TAOK3: variants seen among roughly 807,000 people sequenced by gnomAD.
TAOK3 encodes serine/threonine-protein kinase TAO3.
In TAOK3, 40 loss-of-function variants were observed where a neutral mutation model predicts 120.4. The ratio of observed to expected loss-of-function variants is 0.33; its 90% CI spans 0.26 to 0.43. The LOEUF (loss-of-function observed/expected upper bound fraction) is 0.43, where lower values mean the gene tolerates loss of function less well. Ranked by LOEUF, TAOK3 falls within the 20% of genes least tolerant of loss-of-function variation. The pLI, the probability that TAOK3 is intolerant of heterozygous loss-of-function variation, is 1.00. For missense variants in TAOK3, 821 were observed against 1,112.1 expected, an observed-to-expected ratio of 0.74 and a Z score of 3.72; for synonymous variants, 355 against 387.5, an observed-to-expected ratio of 0.92 and a Z score of 0.99.
At chr12:118,189,529 G>GAC (rs1262640332) in intron 14 of TAOK3, among the ~76,000 whole-genome samples, 190 of 83,314 alleles carry the variant, frequency 2.3e-3, no homozygotes, top group Admixed American at 3.2e-3. Flanking sequence ...AACACACACA[G>GAC]ACACAGACAC....
At chr12:118,328,283 ACTC>A in intron 1 of TAOK3, among the ~76,000 whole-genome samples, 1 of 151,926 alleles carries the variant, frequency 6.6e-6, no homozygotes, top group East Asian at 1.9e-4. Context: ...CTGGTCTCGA[ACTC>A]CTGACCTCTA....
intron 1 of TAOK3, among the ~76,000 whole-genome samples, chr12:118,274,058 T>C (rs2041820993): frequency 1.3e-5 from 2 of 152,098 alleles, no homozygotes; most frequent in Non-Finnish European, 2.9e-5. Context: ...AGTCGAGTAT[T>C]TGGTTTCTTC....
At chr12:118,283,404 TG>T (rs2042161476) in intron 1 of TAOK3, among the ~76,000 whole-genome samples, 1 of 152,270 alleles carries the variant, frequency 6.6e-6, no homozygotes, top group Non-Finnish European at 1.5e-5. Context: ...AATGCTTTAA[TG>T]GAAGAGACAG....
intron 1 of TAOK3, among the ~76,000 whole-genome samples, chr12:118,268,317 A>T (rs1186086292): frequency 6.6e-6 from 1 of 152,206 alleles, no homozygotes; most frequent in Non-Finnish European, 1.5e-5. Flanking sequence ...CAAAGAATAT[A>T]ACAATTTAAA....
chr12:118,208,042 T>C (rs2038427606), intron 11 of TAOK3, among the ~76,000 whole-genome samples: 1 of 152,218 alleles, frequency 6.6e-6, no homozygotes, highest in Non-Finnish European at 1.5e-5. Flanking sequence ...TTGTCCTATA[T>C]ATTTTAAGAA....
chr12:118,336,405 A>G (rs1175236744), intron 1 of TAOK3, among the ~76,000 whole-genome samples: 1 of 152,212 alleles, frequency 6.6e-6, no homozygotes, highest in East Asian at 1.9e-4. Context: ...CATAGGCAAA[A>G]AAATAAACCA....
At chr12:118,177,153 C>A in intron 16 of TAOK3, 48 bp downstream of exon 16, 1 of 1,591,648 alleles carries the variant, frequency 6.3e-7, no homozygotes, top group Admixed American at 1.7e-5. Context: ...TGTTAAGTTC[C>A]AACCATTCTA....
intron 1 of TAOK3, among the ~76,000 whole-genome samples, chr12:118,323,987 C>A (rs2043826280): frequency 6.6e-6 from 1 of 152,110 alleles, no homozygotes; most frequent in South Asian, 2.1e-4. Flanking sequence ...GAAGGAAGTA[C>A]ATTTAATCAT....
rs1355092742 is a variant in TAOK3, at chr12:118,189,806, C to G, written c.1329+1G>C. The G allele has an allele frequency of 6.2e-7, 1 of 1,614,118 alleles. No individual in the cohort carries two copies. Among genetic ancestry groups the G allele is most frequent in the Non-Finnish European group, 8.5e-7 (1 of 1,180,014 alleles). ...AGGTGGGTAGAGGGGTGTTTGCTTA[C>G]CAAAGATGCTGATTTGATCGTGGCA... On this transcript the variant is annotated splice_donor_variant, in intron 14 of 20. Transcript: ENST00000392533. LOFTEE classifies it high-confidence loss of function.
At chr12:118,243,383 T>C in intron 5 of TAOK3, 32 bp downstream of exon 5, 1 of 1,141,540 alleles carries the variant, frequency 8.8e-7, no homozygotes. Flanking sequence ...AAAAATGTAA[T>C]AGTAAAAGAT....
intron 1 of TAOK3, among the ~76,000 whole-genome samples, chr12:118,335,420 A>G (rs1226920962): frequency 3.3e-5 from 5 of 152,310 alleles, no homozygotes; most frequent in Middle Eastern, 3.4e-3. Context: ...CCACAAACTG[A>G]TATCTTGAGT....
At chr12:118,314,981 C>T (rs1593510281) in intron 1 of TAOK3, among the ~76,000 whole-genome samples, 1 of 151,204 alleles carries the variant, frequency 6.6e-6, no homozygotes, top group South Asian at 2.1e-4. Flanking sequence ...GGAGTGAGTG[C>T]GTGCAGTGGC....
rs1368214196 is a variant in TAOK3 at position 118,323,791 on chromosome 12, T to C, written c.-194+48857A>G. ...TAGGTTTATGTAGGTGATGTAGCAT[T>C]TCACTGTGGTCTGGAGCAGGAGAAC... On this transcript the variant is annotated intron_variant, in intron 1 of 20. Transcript: ENST00000392533. 4.6e-5 allele frequency among the ~76,000 whole-genome samples: 7 copies of C among 152,318 alleles called. No homozygotes were observed. The South Asian group carries it at 1.4e-3, about 32-fold the overall frequency.
chr12:118,355,160 C>T (rs1029754178), intron 1 of TAOK3, among the ~76,000 whole-genome samples: 4 of 152,138 alleles, frequency 2.6e-5, no homozygotes, highest in Non-Finnish European at 5.9e-5. Flanking sequence ...GTAATTAAAA[C>T]CACAGAAAGC....
chr12:118,276,574 C>T (rs531133013), intron 1 of TAOK3, among the ~76,000 whole-genome samples: 19 of 152,076 alleles, frequency 1.2e-4, no homozygotes, highest in African/African-American at 4.3e-4. Context: ...TGGTGGTGGG[C>T]GCCTGTAGTC....
At chr12:118,236,052 AT>A (rs1403125794) in intron 7 of TAOK3, 1 of 160,050 alleles carries the variant, frequency 6.2e-6, no homozygotes, top group Non-Finnish European at 1.4e-5. Flanking sequence ...ATTGGTGCCA[AT>A]TTTAACTGCT....
At chr12:118,202,674 TA>T (rs1205943052) in intron 11 of TAOK3, among the ~76,000 whole-genome samples, 3 of 151,074 alleles carry the variant, frequency 2.0e-5, no homozygotes, top group Non-Finnish European at 2.9e-5. Flanking sequence ...ATATAAGTAA[TA>T]AAAAAATCAC....
At chr12:118,168,259 C>T (rs1321753099) in intron 17 of TAOK3, among the ~76,000 whole-genome samples, 1 of 152,170 alleles carries the variant, frequency 6.6e-6, no homozygotes. Context: ...CTAATGCACT[C>T]ACTGCATGGT....
intron 2 of TAOK3, among the ~76,000 whole-genome samples, chr12:118,257,981 G>A (rs1566024744): frequency 2.6e-5 from 4 of 152,004 alleles, no homozygotes; most frequent in Admixed American, 1.3e-4. Flanking sequence ...ATGATAAAGT[G>A]GTTTTAACTG....
Sources: gnomAD v4.1 joint callset for allele counts (sites outside exome capture counted in the v4.1 genomes callset) on GRCh38, gnomAD v4.1.1 for gene constraint, MANE v1.5 for transcripts, NCBI Gene and HGNC (gene_info 2026-07-23, HGNC 2026-07-21) for gene names.